Variants in GKAP1 observed in about 807,000 individuals in gnomAD.
GKAP1 encodes G kinase-anchoring protein 1.
Under a neutral mutation model 56.7 loss-of-function variants are expected in GKAP1, and 31 were observed. The observed-to-expected ratio is 0.55, with a 90% CI of 0.41 to 0.74. GKAP1 has a LOEUF of 0.74. Among genes scored for constraint, GKAP1 ranks in the 30% least tolerant of loss-of-function variants. The pLI is 0.00. For synonymous variants in GKAP1, 151 were observed against 138.6 expected (o/e 1.09, Z -0.63); for missense variants, 364 against 402.3 (o/e 0.90, Z 0.82).
chr9:83,768,705 C>T (rs1373082226), intron 8 of GKAP1, 113 bp downstream of exon 8: 1 of 881,742 alleles, frequency 1.1e-6, no homozygotes, highest in Non-Finnish European at 1.8e-6. Context: ...AGATCATATC[C>T]TAAACTACTA....
chr9:83,749,926 G>GA (rs1472470192), intron 9 of GKAP1, among the ~76,000 whole-genome samples: 5 of 152,164 alleles, frequency 3.3e-5, no homozygotes, highest in African/African-American at 1.2e-4. Flanking sequence ...TATAATGGGG[G>GA]AAAACACATA....
At chr9:83,742,281 C>T (rs1443663058) in intron 11 of GKAP1, among the ~76,000 whole-genome samples, 1 of 152,052 alleles carries the variant, frequency 6.6e-6, no homozygotes. Flanking sequence ...GTTCTATTGG[C>T]CCTTTCTGTC....
intron 10 of GKAP1, among the ~76,000 whole-genome samples, chr9:83,743,542 C>T (rs921042362): frequency 6.6e-6 from 1 of 152,146 alleles, no homozygotes; most frequent in Non-Finnish European, 1.5e-5. Context: ...CTGCAGTAAG[C>T]CAAGCTCACG....
At chr9:83,792,923 T>C in intron 4 of GKAP1, 1 of 864,264 alleles carries the variant, frequency 1.2e-6, no homozygotes, top group Non-Finnish European at 1.5e-6. Flanking sequence ...GGCACTAAAA[T>C]GCCTACAGAA....
chr9:83,786,332 C>T (rs890016912), intron 5 of GKAP1, among the ~76,000 whole-genome samples: 5 of 152,036 alleles, frequency 3.3e-5, no homozygotes, highest in Admixed American at 6.6e-5. Context: ...CACCTCAGGT[C>T]GGGAGTTCAA....
rs772629569 is a variant in GKAP1, at chr9:83,782,660, CT to C, written c.562+2054del. ...GGCGTGATGAGCCAACGCGCCCAGC[CT>C]TTTTTTTTTTTTTTTTTTTTTAAAG... On this transcript the variant is annotated intron_variant, in intron 6 of 12. Transcript: ENST00000376371. Among the ~76,000 whole-genome samples, 382 of 117,444 alleles carry C rather than the reference CT, an allele frequency of 3.3e-3. 2 individuals are homozygous for C. The highest frequency in any genetic ancestry group is 0.026 in the East Asian group (102 of 3,956). The allele number at this position is 117,444 out of a possible 152,430, so 77.0% of individuals were successfully genotyped here. A position where few individuals can be genotyped will look rare whatever the true frequency, so the allele number is the denominator to read the frequency against.
At chr9:83,795,280 TA>T (rs1246508799) in intron 4 of GKAP1, among the ~76,000 whole-genome samples, 1 of 152,120 alleles carries the variant, frequency 6.6e-6, no homozygotes, top group Non-Finnish European at 1.5e-5. Context: ...ATACATCATG[TA>T]TCACATGACA....
intron 12 of GKAP1, among the ~76,000 whole-genome samples, chr9:83,741,717 T>G (rs1214811158): frequency 6.6e-6 from 1 of 152,192 alleles, no homozygotes; most frequent in Non-Finnish European, 1.5e-5. Flanking sequence ...GCATGTATGC[T>G]GTATCATCTA....
intron 8 of GKAP1, among the ~76,000 whole-genome samples, chr9:83,760,947 T>C (rs1483183008): frequency 4.0e-5 from 6 of 151,422 alleles, no homozygotes; most frequent in Non-Finnish European, 7.4e-5. Context: ...TAACAATTAA[T>C]GTTAAAGAAC....
chr9:83,814,188 A>G (rs897202634), intron 2 of GKAP1, among the ~76,000 whole-genome samples: 1 of 152,218 alleles, frequency 6.6e-6, no homozygotes, highest in African/African-American at 2.4e-5. Flanking sequence ...CAAAAAGCCA[A>G]TTATTTGACT....
chr9:83,782,420 G>A (rs1347272322), intron 6 of GKAP1, among the ~76,000 whole-genome samples: 3 of 149,984 alleles, frequency 2.0e-5, no homozygotes, highest in African/African-American at 7.4e-5. Context: ...GTGCAATGGC[G>A]CAATCTTGGC....
chr9:83,805,156 T>C (rs1221818588), intron 3 of GKAP1, among the ~76,000 whole-genome samples: 1 of 152,172 alleles, frequency 6.6e-6, no homozygotes, highest in African/African-American at 2.4e-5. Context: ...ATCCTGTTGA[T>C]CGGTGACCTT....
chr9:83,812,617 G>A (rs2131330962), intron 2 of GKAP1, among the ~76,000 whole-genome samples: 1 of 149,918 alleles, frequency 6.7e-6, no homozygotes, highest in South Asian at 2.1e-4. Flanking sequence ...TGGGATTACA[G>A]GAATGAGCCA....
Position 83,752,002 on chromosome 9 carries a change from C to T in GKAP1, c.840+1256G>A, listed in dbSNP as rs184148188. ...CCCAAAAGAACTGAAAGCAAGGACT[C>T]AGATACTTATGCACCAGTAAACAAA... On this transcript the variant is annotated intron_variant, in intron 9 of 12. Transcript: ENST00000376371. Among the ~76,000 whole-genome samples the T allele has an allele frequency of 1.9e-3, 287 of 152,250 alleles. 1 individual carries two copies. Among genetic ancestry groups the T allele is most frequent in the South Asian group, 5.6e-3 (27 of 4,820 alleles).
chr9:83,793,717 C>T lies in GKAP1; in HGVS notation c.361-5039G>A, dbSNP rs187455987. ...TTTTGAAATTAACAGGACTCCAATA[C>T]AGTGAATATAGAATATAAACGTGTA... On this transcript the variant is annotated intron_variant, in intron 4 of 12. Transcript: ENST00000376371. Among the ~76,000 whole-genome samples the T allele has an allele frequency of 8.7e-4, 133 of 152,250 alleles. 1 individual carries two copies. The highest frequency in any genetic ancestry group is 3.1e-3 in the African/African-American group (129 of 41,546).
chr9:83,754,604 T>C (rs977518402), intron 8 of GKAP1, among the ~76,000 whole-genome samples: 5 of 152,280 alleles, frequency 3.3e-5, no homozygotes, highest in Non-Finnish European at 5.9e-5. Context: ...ACAGTATGTT[T>C]GAAGGCCATG....
chr9:83,779,527 GTATATGTGTATATATATACACGTGTA>G (rs1189153252), intron 7 of GKAP1, among the ~76,000 whole-genome samples: 103 of 106,364 alleles, frequency 9.7e-4, no homozygotes, highest in African/African-American at 3.0e-3. Flanking sequence ...ATATACACGT[GTATATGTGTATATATATACACGTGTA>G]TATGTGTATA....
intron 4 of GKAP1, among the ~76,000 whole-genome samples, chr9:83,789,658 A>G (rs1944122086): frequency 6.6e-6 from 1 of 152,212 alleles, no homozygotes; most frequent in South Asian, 2.1e-4. Flanking sequence ...ACTAAGCACT[A>G]CCATACCACA....
At chr9:83,796,710 G>A (rs929880277) in intron 4 of GKAP1, among the ~76,000 whole-genome samples, 3 of 151,530 alleles carry the variant, frequency 2.0e-5, no homozygotes, top group South Asian at 2.1e-4. Flanking sequence ...CAGCTGATCC[G>A]CCCACCTAGG....
Sources: allele counts gnomAD v4.1 joint callset (sites outside exome capture counted in the v4.1 genomes callset), GRCh38; gene constraint gnomAD v4.1.1; transcripts MANE v1.5; gene names NCBI Gene and HGNC (gene_info 2026-07-23, HGNC 2026-07-21).